FOXM1: variants seen among roughly 807,000 people sequenced by gnomAD.
The protein encoded by FOXM1 is forkhead box protein M1.
FOXM1 carries 25 observed loss-of-function variants against 63.6 expected under a neutral mutation model. That is an observed-to-expected ratio of 0.39 (90% confidence interval 0.29 to 0.55). The LOEUF (loss-of-function observed/expected upper bound fraction) is 0.55, where lower values mean the gene tolerates loss of function less well. Ranked by LOEUF, FOXM1 falls within the 20% of genes least tolerant of loss-of-function variation. The probability of loss-of-function intolerance (pLI) is 0.60; values close to 1 mark genes in which losing one functional copy is unlikely to be tolerated. For missense variants in FOXM1, 879 were observed against 958.7 expected (o/e 0.92, Z 1.10); for synonymous variants, 387 against 376.9 (o/e 1.03, Z -0.31).
intron 3 of FOXM1, 140 bp downstream of exon 3, chr12:2,871,956 A>G: frequency 1.1e-6 from 1 of 918,286 alleles, no homozygotes; most frequent in Non-Finnish European, 1.7e-6. Flanking sequence ...ATAGCTCAAA[A>G]GTTATGCAGA....
rs1412868300 is a variant in FOXM1, at chr12:2,864,812, G to T, written c.1021-60C>A. 1 of 1,580,508 alleles carries T rather than the reference G, an allele frequency of 6.3e-7. No homozygotes were observed. Among genetic ancestry groups the T allele is most frequent in the African/African-American group, 1.3e-5 (1 of 74,238 alleles). ...TGTTAACACAATAAGGTAAAGAGGG[G>T]ATGGCAAAACCCCACCAGCTGCTCT... On this transcript the variant is annotated intron_variant, in intron 6 of 8. Coordinates refer to ENST00000359843, the MANE Select transcript of FOXM1 (RefSeq NM_021953.4). This position sits in a 1 kb window ranked among gnomAD's most constrained non-coding sequence, Gnocchi z 5.1.
chr12:2,865,002 C>T, intron 6 of FOXM1: 1 of 589,340 alleles, frequency 1.7e-6, no homozygotes, highest in South Asian at 2.0e-5. Flanking sequence ...TCCTCAACAC[C>T]CCTGGGGGAT....
At position 2,875,120 on chromosome 12, in the gene FOXM1, G is replaced by C. The variant is rs547632011; in HGVS notation, c.-47-595C>G. 4.6e-5 allele frequency among the ~76,000 whole-genome samples: 7 copies of C among 151,362 alleles called. No individual in the cohort carries two copies. In the East Asian group the frequency reaches 1.4e-3, roughly 29 times the overall value. Reference sequence around the variant, plus strand: ...CGAGTCCCACGTCTCAGCCTCCTGAGTAGCTGGGATTACAGGTGCCCACCA... The same window carrying C: ...CGAGTCCCACGTCTCAGCCTCCTGACTAGCTGGGATTACAGGTGCCCACCA... On this transcript the variant is annotated intron_variant, in intron 1 of 8. Coordinates refer to ENST00000359843, the MANE Select transcript of FOXM1 (RefSeq NM_021953.4).
chr12:2,863,108 G>A (rs2098116905), intron 8 of FOXM1, among the ~76,000 whole-genome samples: 1 of 152,096 alleles, frequency 6.6e-6, no homozygotes, highest in African/African-American at 2.4e-5. Flanking sequence ...GGGGACATTT[G>A]GCAATGTCTG....
rs2098135238 is a variant in FOXM1, at chr12:2,872,700, GCT to G, written c.503-455_503-454del. Among the ~76,000 whole-genome samples, 1 of 152,098 alleles carries G rather than the reference GCT, an allele frequency of 6.6e-6. No individual in the cohort carries two copies. Among genetic ancestry groups the G allele is most frequent in the Admixed American group, 6.6e-5 (1 of 15,258 alleles). Reference sequence around the variant, plus strand: ...GAGAACACATGCTGAATCTATTGTGGCTCTAAGTTACTCTGCCCCATTATGCA... The same window carrying G: ...GAGAACACATGCTGAATCTATTGTGGCTAAGTTACTCTGCCCCATTATGCA... On this transcript the variant is annotated intron_variant, in intron 2 of 8. Transcript: ENST00000359843. This position sits in a 1 kb window ranked among gnomAD's most constrained non-coding sequence, Gnocchi z 4.0.
chr12:2,865,276 T>TA, intron 6 of FOXM1, 79 bp downstream of exon 6: 8 of 1,314,580 alleles, frequency 6.1e-6, no homozygotes, highest in Non-Finnish European at 7.5e-6. Flanking sequence ...CATCACATCT[T>TA]GTCTCTGTCC....
rs999849213 is a variant in FOXM1 at position 2,872,776 on chromosome 12, C to T, written c.503-529G>A. Among the ~76,000 whole-genome samples, 3 of 152,070 alleles carry T rather than the reference C, an allele frequency of 2.0e-5. No homozygotes were observed. In the East Asian group the frequency reaches 5.8e-4, roughly 29 times the overall value. ...AGTTCAAATTGCATTTCAAGCTGAG[C>T]CACACTGAGCCTTAGAGATCAATCA... is the stretch of plus-strand genomic sequence containing the variant. On this transcript the variant is annotated intron_variant, in intron 2 of 8. Coordinates refer to ENST00000359843, the MANE Select transcript of FOXM1 (RefSeq NM_021953.4). The surrounding 1 kb of genome is among the most constrained non-coding windows in gnomAD (Gnocchi z 4.0).
At chr12:2,867,186 T>G (rs1302663436) in intron 4 of FOXM1, among the ~76,000 whole-genome samples, 1 of 149,900 alleles carries the variant, frequency 6.7e-6, no homozygotes, top group East Asian at 2.0e-4. Flanking sequence ...AAATTAAGGC[T>G]GGGTGTGGTG....
chr12:2,863,075 C>T (rs919200434), intron 8 of FOXM1, among the ~76,000 whole-genome samples: 2 of 152,130 alleles, frequency 1.3e-5, no homozygotes, highest in African/African-American at 4.8e-5. Context: ...GATACTCAAG[C>T]AGGGGTGATT....
At position 2,858,958 on chromosome 12, in the gene FOXM1, C is replaced by G. The variant is rs1202581103; in HGVS notation, c.1972G>C (p.Asp658His). The change falls in exon 9 of 9, where the codon GAT becomes CAT. Residue 658 changes from aspartate to histidine, a missense_variant. Physicochemically the swap from Asp to His is moderately conservative, Grantham distance 81 (BLOSUM62 -1). Transcript: ENST00000359843. ...DPLPDPLGLM[D>H]LSTTPLQSAP... is the part of the protein sequence containing the mutation. Reference sequence around the variant, plus strand: ...CTTTGCAAGGGAGTGGTGCTGAGATCCATCAGCCCCAGGGGGTCAGGCAAG... The same window carrying G: ...CTTTGCAAGGGAGTGGTGCTGAGATGCATCAGCCCCAGGGGGTCAGGCAAG... 2 of 1,613,392 alleles carry G rather than the reference C, an allele frequency of 1.2e-6. No individual in the cohort carries two copies. The highest frequency in any genetic ancestry group is 1.7e-6 in the Non-Finnish European group (2 of 1,179,900).
chr12:2,865,361 C>T lies in FOXM1; in HGVS notation c.1014G>A (p.Leu338=). ...DPGSPQLPEH[L]ESQQKRPNPE... is the part of the protein sequence containing the mutation. ...CAGAGGGAAAGAACCTTACTGATTCCAAGTGCTCGGGCAATTGTGGAGACC... is the reference window on the plus strand; with the variant it reads ...CAGAGGGAAAGAACCTTACTGATTCTAAGTGCTCGGGCAATTGTGGAGACC... The change falls in exon 6 of 9, where the codon TTG becomes TTA. Residue 338 remains leucine (L), a synonymous_variant. Coordinates refer to ENST00000359843, the MANE Select transcript of FOXM1 (RefSeq NM_021953.4). 6.2e-7 allele frequency: 1 copy of T among 1,610,526 alleles called. No homozygotes were observed. The highest frequency in any genetic ancestry group is 1.3e-5 in the African/African-American group (1 of 74,888).
chr12:2,861,063 G>A (rs976630072), intron 8 of FOXM1, among the ~76,000 whole-genome samples: 9 of 151,650 alleles, frequency 5.9e-5, no homozygotes, highest in African/African-American at 2.2e-4. Flanking sequence ...AGCTACTTGG[G>A]AGGCTGAGGC....
intron 6 of FOXM1, 28 bp downstream of exon 6, chr12:2,865,327 G>A (rs1565469729): frequency 6.3e-7 from 1 of 1,596,110 alleles, no homozygotes; most frequent in East Asian, 2.3e-5. Flanking sequence ...ACAAGGCCAA[G>A]CCCCGAGCCA....
At chr12:2,861,468 A>C (rs2098113012) in intron 8 of FOXM1, 3 of 554,184 alleles carry the variant, frequency 5.4e-6, no homozygotes, top group Middle Eastern at 4.6e-4. Context: ...AAAATTAAGA[A>C]GATATAACCT....
chr12:2,866,637 G>A (rs535184735), intron 4 of FOXM1, 116 bp from the exon 5 acceptor site: 54 of 1,120,866 alleles, frequency 4.8e-5, no homozygotes, highest in East Asian at 2.1e-4. Flanking sequence ...CACAGGCTTC[G>A]TCTGGTGTCT....
At chr12:2,867,238 G>A (rs111325287) in intron 4 of FOXM1, among the ~76,000 whole-genome samples, 1 of 152,098 alleles carries the variant, frequency 6.6e-6, no homozygotes, top group African/African-American at 2.4e-5. Flanking sequence ...GCTAAGGCAG[G>A]AGGAGTGCTT....
chr12:2,861,752 C>T (rs2098113806), intron 8 of FOXM1, among the ~76,000 whole-genome samples: 1 of 152,202 alleles, frequency 6.6e-6, no homozygotes, highest in African/African-American at 2.4e-5. Flanking sequence ...GAAACAGAAT[C>T]TGTCCATAAA....
At chr12:2,860,539 T>A in intron 8 of FOXM1, among the ~76,000 whole-genome samples, 1 of 152,110 alleles carries the variant, frequency 6.6e-6, no homozygotes, top group East Asian at 1.9e-4. Context: ...TAGAAAAATA[T>A]CTTCAGCATA....
chr12:2,861,437 TAAATA>T, intron 8 of FOXM1: 3 of 558,898 alleles, frequency 5.4e-6, no homozygotes, highest in Non-Finnish European at 9.4e-6. Context: ...AATTTAAAAA[TAAATA>T]AATAAAACAT....
Sources: gnomAD v4.1 joint callset for allele counts (sites outside exome capture counted in the v4.1 genomes callset) on GRCh38, gnomAD v4.1.1 for gene constraint, Gnocchi (gnomAD v3.1) non-coding constraint, MANE v1.5 for transcripts, NCBI Gene and HGNC (gene_info 2026-07-23, HGNC 2026-07-21) for gene names.